Variants in ALKBH8 observed in about 807,000 individuals in gnomAD.
ALKBH8 encodes the protein alkB homolog 8, tRNA methyltransferase.
ALKBH8 carries 36 observed loss-of-function variants against 59.8 expected under a neutral mutation model. That is an observed-to-expected ratio of 0.60 (90% CI 0.46 to 0.79). The LOEUF is 0.79. Among genes scored for constraint, ALKBH8 ranks in the 30% least tolerant of loss-of-function variants. ALKBH8 has a pLI of 0.00. For synonymous variants in ALKBH8, 276 were observed against 273.6 expected, an observed-to-expected ratio of 1.01 and a Z score of -0.09; for missense variants, 768 against 801.0, an observed-to-expected ratio of 0.96 and a Z score of 0.50.
intron 10 of ALKBH8, among the ~76,000 whole-genome samples, chr11:107,521,235 A>G (rs903162398): frequency 2.0e-4 from 31 of 152,200 alleles, no homozygotes; most frequent in African/African-American, 7.5e-4. Context: ...TTTGAGATGT[A>G]TGGCCCCACA....
chr11:107,528,502 A>G (rs974825103), intron 8 of ALKBH8, among the ~76,000 whole-genome samples: 17 of 152,206 alleles, frequency 1.1e-4, no homozygotes, highest in African/African-American at 4.1e-4. Flanking sequence ...AGAGCTATAC[A>G]TGATTAAAAC....
Position 107,510,979 on chromosome 11 carries a change from C to G in ALKBH8, c.1345G>C (p.Ala449Pro). The G allele has an allele frequency of 6.4e-7, 1 of 1,551,918 alleles. No individual in the cohort carries two copies. Among genetic ancestry groups the G allele is most frequent in the Non-Finnish European group, 8.7e-7 (1 of 1,146,996 alleles). ...ACTGCCAATGCATCACAGACAAAAG[C>G]CTGAAATTGCCTCTCTCTACAAATG... ...VDICRERQFQ[A>P]FVCDALAVPV... The change falls in exon 11 of 12, where the codon GCT (alanine) becomes CCT (proline). Residue 449 changes from alanine to proline, a missense_variant. Physicochemically the swap from Ala to Pro is conservative, Grantham distance 27 (BLOSUM62 -1). Coordinates refer to ENST00000428149, the MANE Select transcript of ALKBH8 (RefSeq NM_138775.3).
intron 7 of ALKBH8, among the ~76,000 whole-genome samples, chr11:107,546,130 A>AT (rs758538158): frequency 6.6e-6 from 1 of 152,236 alleles, no homozygotes; most frequent in African/African-American, 2.4e-5. Flanking sequence ...TTTAAAAATC[A>AT]TCTTCATAAA....
chr11:107,563,806 A>C (rs1304099020), intron 1 of ALKBH8: 1 of 152,262 alleles, frequency 6.6e-6, no homozygotes, highest in Non-Finnish European at 1.5e-5. Context: ...CTAAGAGTCC[A>C]GCACCAGCAG....
intron 5 of ALKBH8, 49 bp downstream of exon 5, chr11:107,553,059 A>C: frequency 8.9e-7 from 1 of 1,117,550 alleles, no homozygotes; most frequent in South Asian, 1.5e-5. Context: ...TTCTACTAAT[A>C]TATTAATATT....
intron 1 of ALKBH8, 115 bp downstream of exon 1, chr11:107,565,486 T>G: frequency 3.4e-6 from 5 of 1,466,836 alleles, no homozygotes; most frequent in Non-Finnish European, 4.6e-6. Flanking sequence ...ATCCATCCCC[T>G]TTCCCTAGGT....
chr11:107,534,124 C>T (rs951396862), intron 7 of ALKBH8, among the ~76,000 whole-genome samples: 4 of 151,880 alleles, frequency 2.6e-5, no homozygotes, highest in African/African-American at 9.7e-5. Context: ...AGCGAGACAC[C>T]GTCTCACCAA....
intron 8 of ALKBH8, among the ~76,000 whole-genome samples, chr11:107,527,872 C>T (rs1174210010): frequency 6.6e-6 from 1 of 151,928 alleles, no homozygotes; most frequent in East Asian, 1.9e-4. Flanking sequence ...GGAGTATGAG[C>T]GGACATCCCT....
intron 6 of ALKBH8, among the ~76,000 whole-genome samples, chr11:107,550,466 T>G (rs1162148527): frequency 6.6e-6 from 1 of 152,224 alleles, no homozygotes; most frequent in African/African-American, 2.4e-5. Context: ...CAGAGCCAGC[T>G]GGTTTGCAGG....
chr11:107,556,289 A>AAAAT (rs1285150518), intron 3 of ALKBH8, among the ~76,000 whole-genome samples: 1 of 152,022 alleles, frequency 6.6e-6, no homozygotes, highest in Admixed American at 6.5e-5. Context: ...AAAAAGCAAA[A>AAAAT]AAATAAATAA....
chr11:107,548,413 CT>C (rs1478751610), intron 7 of ALKBH8, among the ~76,000 whole-genome samples: 7 of 152,186 alleles, frequency 4.6e-5, no homozygotes, highest in Non-Finnish European at 1.5e-5. Context: ...CTCGAATTAT[CT>C]TTTGTCTCAT....
intron 7 of ALKBH8, among the ~76,000 whole-genome samples, chr11:107,532,789 C>T (rs1389034496): frequency 2.0e-5 from 3 of 152,098 alleles, no homozygotes; most frequent in Non-Finnish European, 4.4e-5. Context: ...CATTTATTAG[C>T]CACGTGACAC....
rs1318240253 is a variant in ALKBH8, at chr11:107,551,869, C to T, written c.639G>A (p.Arg213=). The T allele has an allele frequency of 7.1e-6, 11 of 1,554,564 alleles. No homozygotes were observed. The highest frequency in any genetic ancestry group is 1.2e-5 in the South Asian group (1 of 80,610). ...CAGGTTTATGTTTAATGTAACCTTT[C>T]CTCAACCATTTCTCCAAAAAGCTTT... ...ICESFLEKWL[R]KGYIKHKPDQ... The change falls in exon 6 of 12, where the codon AGG becomes AGA. Residue 213 remains arginine, a synonymous_variant. Coordinates refer to ENST00000428149, the MANE Select transcript of ALKBH8 (RefSeq NM_138775.3).
intron 10 of ALKBH8, among the ~76,000 whole-genome samples, chr11:107,519,481 G>A (rs927429369): frequency 2.5e-4 from 38 of 152,092 alleles, no homozygotes; most frequent in African/African-American, 9.2e-4. Context: ...AAATCAGACT[G>A]GTAATATACA....
chr11:107,505,218 A>G lies in ALKBH8; in HGVS notation c.1438-3T>C, dbSNP rs890920186. ...TGGAGAGCTGCCACTCTACGCTCCT[A>G]ATGAAAAAAAACAAAACACATGATC... On this transcript the variant is annotated splice_region_variant and splice_polypyrimidine_tract_variant and intron_variant, in intron 11 of 11. Transcript: ENST00000428149. 6.6e-7 allele frequency: 1 copy of G among 1,516,572 alleles called. No individual in the cohort carries two copies. Among genetic ancestry groups the G allele is most frequent in the African/African-American group, 1.4e-5 (1 of 71,492 alleles). 93.9% of individuals were successfully genotyped at this position (1,516,572 alleles called of 1,614,324 possible).
At chr11:107,549,696 A>G (rs1318340401) in intron 7 of ALKBH8, 57 bp downstream of exon 7, 2 of 1,190,062 alleles carry the variant, frequency 1.7e-6, no homozygotes, top group African/African-American at 3.1e-5. Context: ...TAATCTTTGA[A>G]AAGGGCATTG....
At chr11:107,518,048 G>A (rs1232724923) in intron 10 of ALKBH8, among the ~76,000 whole-genome samples, 1 of 151,582 alleles carries the variant, frequency 6.6e-6, no homozygotes, top group Non-Finnish European at 1.5e-5. Flanking sequence ...GTCCTGTAAA[G>A]ACATTTTTAA....
intron 7 of ALKBH8, among the ~76,000 whole-genome samples, chr11:107,536,850 G>A (rs1863836826): frequency 2.0e-5 from 3 of 152,346 alleles, no homozygotes; most frequent in East Asian, 1.9e-4. Flanking sequence ...TAAAGAGTTC[G>A]AGGAATGAAG....
intron 8 of ALKBH8, among the ~76,000 whole-genome samples, chr11:107,531,464 T>A (rs1027993613): frequency 1.2e-4 from 19 of 152,138 alleles, no homozygotes; most frequent in Admixed American, 9.2e-4. Flanking sequence ...AAAGAGTCAA[T>A]GTTATTAAGA....
Sources: allele counts gnomAD v4.1 joint callset (sites outside exome capture counted in the v4.1 genomes callset), GRCh38; gene constraint gnomAD v4.1.1; transcripts MANE v1.5; gene names NCBI Gene and HGNC (gene_info 2026-07-23, HGNC 2026-07-21).